Variants in IL1RAPL1 observed in about 807,000 individuals in gnomAD.
The protein encoded by IL1RAPL1 is interleukin 1 receptor accessory protein like 1, also known as interleukin-1 receptor accessory protein-like 1.
A neutral mutation model predicts 48.4 loss-of-function variants in IL1RAPL1; 3 were observed. That is an observed-to-expected ratio of 0.06 (90% CI 0.03 to 0.16). The LOEUF (loss-of-function observed/expected upper bound fraction) is 0.16. Among genes scored for constraint, IL1RAPL1 ranks in the 10% least tolerant of loss-of-function variants. The probability of loss-of-function intolerance (pLI) is 1.00; values close to 1 mark genes in which losing one functional copy is unlikely to be tolerated. For synonymous variants in IL1RAPL1, 185 were observed against 187.7 expected (o/e 0.99, Z 0.12); for missense variants, 349 against 530.6 (o/e 0.66, Z 3.36).
chrX:29,239,080 A>T (rs1931360380), intron 2 of IL1RAPL1, among the ~76,000 whole-genome samples: 1 of 112,309 alleles, frequency 8.9e-6, no homozygotes. Context: ...AGCTTTCTTT[A>T]AAAAGATGAC....
At chrX:28,937,865 A>G (rs778515202) in intron 2 of IL1RAPL1, among the ~76,000 whole-genome samples, 1 of 111,291 alleles carries the variant, frequency 9.0e-6, no homozygotes, top group Non-Finnish European at 1.9e-5. Flanking sequence ...TAGCATTCCT[A>G]TACACCAACA....
chrX:29,128,752 T>G (rs1242718959), intron 2 of IL1RAPL1, among the ~76,000 whole-genome samples: 1 of 111,816 alleles, frequency 8.9e-6, no homozygotes, highest in Non-Finnish European at 1.9e-5. Context: ...ATACAGTTCC[T>G]TAATGAATGG....
chrX:28,900,832 C>T (rs1321481734), intron 2 of IL1RAPL1, among the ~76,000 whole-genome samples: 1 of 111,592 alleles, frequency 9.0e-6, no homozygotes, highest in Non-Finnish European at 1.9e-5. Context: ...TGTTCTAGCT[C>T]CCCCTTTCTT....
intron 2 of IL1RAPL1, among the ~76,000 whole-genome samples, chrX:29,260,696 G>C (rs1290165787): frequency 9.0e-6 from 1 of 111,045 alleles, no homozygotes; most frequent in Non-Finnish European, 1.9e-5. Context: ...TGCTGCAAGA[G>C]GGTATATGTG....
chrX:29,676,656 A>T (rs1043842237), intron 6 of IL1RAPL1, among the ~76,000 whole-genome samples: 1 of 111,679 alleles, frequency 9.0e-6, no homozygotes, highest in Admixed American at 9.5e-5. Flanking sequence ...ATGCCACATG[A>T]ATTTATAAAT....
At chrX:29,159,842 G>A (rs1268704803) in intron 2 of IL1RAPL1, among the ~76,000 whole-genome samples, 1 of 111,644 alleles carries the variant, frequency 9.0e-6, no homozygotes, top group African/African-American at 3.3e-5. Context: ...CTCCCGAGTA[G>A]CTGGGATTAC....
At chrX:28,757,001 A>G (rs1936113221) in intron 1 of IL1RAPL1, among the ~76,000 whole-genome samples, 1 of 112,373 alleles carries the variant, frequency 8.9e-6, no homozygotes, top group South Asian at 3.7e-4. Flanking sequence ...AGAAGAACAA[A>G]TGAAAGAAGG....
At position 29,419,980 on chromosome X, in the gene IL1RAPL1, A is replaced by G. The variant is rs138512180; in HGVS notation, c.703+20672A>G. Among the ~76,000 whole-genome samples the G allele has an allele frequency of 3.8e-3, 429 of 111,796 alleles. 2 individuals are homozygous for G. The highest frequency in any genetic ancestry group is 0.013 in the African/African-American group (414 of 30,737). ...ATGTGACTAGTTCTTATCAATGAGT[A>G]TAAGGGAAGGAATGTCATTTCTGAG... On this transcript the variant is annotated intron_variant, in intron 5 of 10. Transcript: ENST00000378993.
intron 2 of IL1RAPL1, among the ~76,000 whole-genome samples, chrX:28,808,631 G>A (rs959689766): frequency 2.7e-5 from 3 of 110,662 alleles, no homozygotes; most frequent in South Asian, 7.5e-4. Context: ...TAAACAAGAC[G>A]TAGGCTTTTA....
chrX:28,953,274 C>G (rs1184755751), intron 2 of IL1RAPL1, among the ~76,000 whole-genome samples: 2 of 111,199 alleles, frequency 1.8e-5, no homozygotes, highest in East Asian at 5.6e-4. Flanking sequence ...ATCATTTTGG[C>G]TAATCAGATA....
intron 6 of IL1RAPL1, among the ~76,000 whole-genome samples, chrX:29,902,174 A>G (rs1442457579): frequency 9.0e-6 from 1 of 110,724 alleles, no homozygotes; most frequent in Non-Finnish European, 1.9e-5. Context: ...CGCATCATTT[A>G]TCTAAGACCC....
At chrX:29,173,778 A>C (rs375454018) in intron 2 of IL1RAPL1, among the ~76,000 whole-genome samples, 27 of 112,210 alleles carry the variant, frequency 2.4e-4, no homozygotes, top group African/African-American at 8.4e-4. Context: ...AGCATAAAAG[A>C]ATATGAAACT....
At chrX:29,251,459 A>C (rs1230330583) in intron 2 of IL1RAPL1, among the ~76,000 whole-genome samples, 1 of 111,699 alleles carries the variant, frequency 9.0e-6, no homozygotes, top group Non-Finnish European at 1.9e-5. Context: ...CAGGAGTAGG[A>C]CAGTTATATT....
chrX:29,084,062 CT>C (rs1927900671), intron 2 of IL1RAPL1, among the ~76,000 whole-genome samples: 1 of 111,640 alleles, frequency 9.0e-6, no homozygotes, highest in African/African-American at 3.3e-5. Flanking sequence ...CTGGCTTAGC[CT>C]TTGACAGGCT....
intron 5 of IL1RAPL1, among the ~76,000 whole-genome samples, chrX:29,496,496 T>C (rs774025296): frequency 0.012 from 1,198 of 96,863 alleles, 23 homozygotes; most frequent in African/African-American, 0.044. Flanking sequence ...TTTTGCCATG[T>C]GATGTACCTG....
At chrX:28,941,693 T>C (rs1006975514) in intron 2 of IL1RAPL1, among the ~76,000 whole-genome samples, 1 of 111,203 alleles carries the variant, frequency 9.0e-6, no homozygotes, top group Non-Finnish European at 1.9e-5. Context: ...CCACTGATCC[T>C]TTTAGACATA....
chrX:29,487,825 T>C (rs1935112822), intron 5 of IL1RAPL1, among the ~76,000 whole-genome samples: 1 of 112,120 alleles, frequency 8.9e-6, no homozygotes, highest in Non-Finnish European at 1.9e-5. Context: ...GGGCATGGGC[T>C]GGATTTCCAT....
chrX:29,503,676 G>A (rs977390222), intron 5 of IL1RAPL1, among the ~76,000 whole-genome samples: 9 of 110,307 alleles, frequency 8.2e-5, no homozygotes, highest in African/African-American at 3.0e-4. Context: ...TTGAGACAGG[G>A]TTTCACTCTG....
intron 6 of IL1RAPL1, among the ~76,000 whole-genome samples, chrX:29,849,766 C>T (rs1931323864): frequency 8.9e-6 from 1 of 111,879 alleles, no homozygotes; most frequent in Admixed American, 9.5e-5. Flanking sequence ...GGGAAGAGAG[C>T]TTTGGATCAG....
Sources: gnomAD v4.1 joint callset for allele counts (sites outside exome capture counted in the v4.1 genomes callset) on GRCh38, gnomAD v4.1.1 for gene constraint, MANE v1.5 for transcripts, NCBI Gene and HGNC (gene_info 2026-07-23, HGNC 2026-07-21) for gene names.